The following PHTF2 variants were observed in gnomAD, a reference collection of about 807,000 sequenced individuals.
PHTF2 encodes the protein protein PHTF2.
PHTF2 carries 60 observed loss-of-function variants against 101.2 expected under a neutral mutation model. The observed-to-expected ratio is 0.59, with a 90% confidence interval of 0.48 to 0.73. The LOEUF (loss-of-function observed/expected upper bound fraction) is 0.73, where lower values mean the gene tolerates loss of function less well. Ranked by LOEUF, PHTF2 falls within the 30% of genes least tolerant of loss-of-function variation. The pLI is 0.00. For missense variants in PHTF2, 747 were observed against 908.7 expected (o/e 0.82, Z 2.29); for synonymous variants, 311 against 307.3 (o/e 1.01, Z -0.13).
At chr7:77,867,319 C>T (rs189437637) in intron 3 of PHTF2, among the ~76,000 whole-genome samples, 3 of 152,212 alleles carry the variant, frequency 2.0e-5, no homozygotes, top group Admixed American at 6.5e-5. Flanking sequence ...AACGTAGGGT[C>T]GTTTTTGTGG....
exon 1 of PHTF2, chr7:77,798,829 G>A (rs1453629786): frequency 5.3e-5 from 8 of 150,542 alleles, no homozygotes; most frequent in Admixed American, 3.9e-4. Context: ...CTGCGGGAGA[G>A]GGGGTGGGGC....
At chr7:77,865,857 A>G (rs1798015535) in intron 3 of PHTF2, among the ~76,000 whole-genome samples, 1 of 151,924 alleles carries the variant, frequency 6.6e-6, no homozygotes, top group Non-Finnish European at 1.5e-5. Flanking sequence ...GAGTTGTCAA[A>G]TCTGTGAAAT....
At chr7:77,912,786 G>A (rs975044476) in intron 9 of PHTF2, among the ~76,000 whole-genome samples, 15 of 124,826 alleles carry the variant, frequency 1.2e-4, no homozygotes, top group African/African-American at 3.0e-4. Flanking sequence ...TTGGTGGAGC[G>A]CAGTGGCGTG....
At chr7:77,918,688 G>A (rs1438599612) in intron 9 of PHTF2, among the ~76,000 whole-genome samples, 5 of 152,206 alleles carry the variant, frequency 3.3e-5, no homozygotes, top group South Asian at 4.2e-4. Flanking sequence ...TTTCCTCTGC[G>A]TCTTTTATTT....
At chr7:77,908,535 T>G (rs1802073602) in intron 7 of PHTF2, among the ~76,000 whole-genome samples, 1 of 152,206 alleles carries the variant, frequency 6.6e-6, no homozygotes, top group Non-Finnish European at 1.5e-5. Context: ...TGCATCTAAT[T>G]TACGTTGCAG....
At chr7:77,816,064 A>G (rs1793828340) in intron 1 of PHTF2, among the ~76,000 whole-genome samples, 1 of 151,690 alleles carries the variant, frequency 6.6e-6, no homozygotes, top group Admixed American at 6.6e-5. Flanking sequence ...TTCTTTTTAT[A>G]TATTGGAATA....
At chr7:77,904,988 G>T (rs193192520) in intron 7 of PHTF2, among the ~76,000 whole-genome samples, 8 of 152,220 alleles carry the variant, frequency 5.3e-5, no homozygotes, top group Non-Finnish European at 7.4e-5. Context: ...AACCTTATGA[G>T]ATTTTTTTTA....
At chr7:77,841,590 T>G (rs868809336) in intron 2 of PHTF2, among the ~76,000 whole-genome samples, 1 of 152,170 alleles carries the variant, frequency 6.6e-6, no homozygotes, top group African/African-American at 2.4e-5. Context: ...TAAACCTCCC[T>G]TAGTAGATGG....
exon 20 of PHTF2, chr7:77,955,362 C>G (rs1806928641): frequency 1.3e-5 from 2 of 152,672 alleles, no homozygotes; most frequent in African/African-American, 4.8e-5. Context: ...TGGAACAATG[C>G]CAGGATCCAA....
At chr7:77,930,119 A>T (rs933744714) in intron 12 of PHTF2, among the ~76,000 whole-genome samples, 8 of 151,902 alleles carry the variant, frequency 5.3e-5, no homozygotes, top group Non-Finnish European at 1.0e-4. Context: ...ACACCCGGCT[A>T]ATTTTTATGT....
At chr7:77,799,226 C>T (rs1008534653) in intron 1 of PHTF2, among the ~76,000 whole-genome samples, 2 of 152,158 alleles carry the variant, frequency 1.3e-5, no homozygotes, top group African/African-American at 2.4e-5. Context: ...CTCCCGAGCT[C>T]GCGCGGTCCT....
At chr7:77,873,641 A>T (rs1482779497) in intron 3 of PHTF2, among the ~76,000 whole-genome samples, 4 of 152,144 alleles carry the variant, frequency 2.6e-5, no homozygotes, top group Admixed American at 2.6e-4. Flanking sequence ...GGAAAGGCTG[A>T]TGGCAGCATG....
At chr7:77,832,998 G>A (rs774166294) in intron 1 of PHTF2, among the ~76,000 whole-genome samples, 4 of 151,998 alleles carry the variant, frequency 2.6e-5, no homozygotes, top group Admixed American at 1.3e-4. Flanking sequence ...TAGGACAATC[G>A]TAACAGTATA....
intron 3 of PHTF2, among the ~76,000 whole-genome samples, chr7:77,869,883 G>A (rs1281212156): frequency 6.6e-6 from 1 of 152,004 alleles, no homozygotes; most frequent in Non-Finnish European, 1.5e-5. Context: ...CACTTGGTTT[G>A]TCTTCTTTTG....
chr7:77,915,721 T>C (rs1252446840), intron 9 of PHTF2, among the ~76,000 whole-genome samples: 1 of 152,170 alleles, frequency 6.6e-6, no homozygotes, highest in Non-Finnish European at 1.5e-5. Context: ...CGCTCCAAGC[T>C]TCTAGGGTTT....
chr7:77,926,351 G>C (rs994750782), intron 11 of PHTF2, among the ~76,000 whole-genome samples: 7 of 152,326 alleles, frequency 4.6e-5, no homozygotes, highest in Admixed American at 2.0e-4. Context: ...AAACAGAGCA[G>C]AGTGATTTTT....
intron 11 of PHTF2, 32 bp downstream of exon 10, chr7:77,922,810 G>A (rs848486): frequency 0.59 from 825,281 of 1,399,730 alleles, 245,757 homozygotes; most frequent in East Asian, 0.78. Context: ...GTATACATAC[G>A]TATCTATTTT....
intron 7 of PHTF2, among the ~76,000 whole-genome samples, chr7:77,904,716 G>A (rs1273542476): frequency 6.6e-6 from 1 of 152,170 alleles, no homozygotes; most frequent in Non-Finnish European, 1.5e-5. Context: ...TTACACTTAC[G>A]AATCTGTTTA....
At chr7:77,950,713 C>T (rs1806463467) in intron 17 of PHTF2, among the ~76,000 whole-genome samples, 2 of 152,170 alleles carry the variant, frequency 1.3e-5, no homozygotes, top group Admixed American at 6.5e-5. Flanking sequence ...TCCTCCAACT[C>T]GCTCTGAGGC....
Sources: allele counts gnomAD v4.1 joint callset (sites outside exome capture counted in the v4.1 genomes callset), GRCh38; gene constraint gnomAD v4.1.1; transcripts MANE v1.5; gene names NCBI Gene and HGNC (gene_info 2026-07-23, HGNC 2026-07-21).